SAMTOR: variants seen among roughly 807,000 people sequenced by gnomAD.
The protein encoded by SAMTOR is S-adenosylmethionine sensor upstream of mTORC1.
At chr7:112,922,269 C>T in the SAMTOR span, among the ~76,000 whole-genome samples, 1 of 152,172 alleles carries the variant, frequency 6.6e-6, no homozygotes, top group Non-Finnish European at 1.5e-5. Flanking sequence ...TCAATGGTGC[C>T]CAGGCTGGAG....
the SAMTOR span, among the ~76,000 whole-genome samples, chr7:112,919,717 A>G: frequency 6.6e-6 from 1 of 151,480 alleles, no homozygotes; most frequent in East Asian, 1.9e-4. Context: ...CTAATAAAGA[A>G]GAAAAGAGAG....
chr7:112,882,630 A>C, the SAMTOR span, among the ~76,000 whole-genome samples: 1 of 152,110 alleles, frequency 6.6e-6, no homozygotes, highest in Admixed American at 6.5e-5. Flanking sequence ...CGGAGGTTGC[A>C]GTGAGCTGAG....
the SAMTOR span, among the ~76,000 whole-genome samples, chr7:112,887,689 G>A: frequency 6.6e-6 from 1 of 152,146 alleles, no homozygotes; most frequent in Non-Finnish European, 1.5e-5. Context: ...ATCTTTCAAG[G>A]AACCAGTCTA....
At chr7:112,875,873 CTCTT>C in the SAMTOR span, among the ~76,000 whole-genome samples, 67 of 152,304 alleles carry the variant, frequency 4.4e-4, 4 homozygotes, top group East Asian at 0.011. Context: ...TGAAGTTTCT[CTCTT>C]TCTATTTTAT....
the SAMTOR span, among the ~76,000 whole-genome samples, chr7:112,884,468 C>CA: frequency 1.3e-5 from 2 of 152,180 alleles, no homozygotes; most frequent in African/African-American, 4.8e-5. Context: ...GGGGTACAGG[C>CA]ACTGGGTAAA....
chr7:112,917,633 G>C, the SAMTOR span, among the ~76,000 whole-genome samples: 1 of 152,212 alleles, frequency 6.6e-6, no homozygotes, highest in African/African-American at 2.4e-5. Context: ...GAAGGCTTCA[G>C]ACGATCAAAC....
chr7:112,851,985 A>G, the SAMTOR span, among the ~76,000 whole-genome samples: 2 of 152,154 alleles, frequency 1.3e-5, no homozygotes, highest in African/African-American at 4.8e-5. Flanking sequence ...AAGTCAAATA[A>G]CAACAGATGT....
At chr7:112,915,815 T>G in the SAMTOR span, among the ~76,000 whole-genome samples, 9 of 152,204 alleles carry the variant, frequency 5.9e-5, no homozygotes, top group Non-Finnish European at 1.3e-4. Context: ...AAGAAACAAT[T>G]ACAGCTGAGT....
chr7:112,846,176 A>G, the SAMTOR span, among the ~76,000 whole-genome samples: 3 of 139,540 alleles, frequency 2.1e-5, no homozygotes, highest in Admixed American at 2.2e-4. Context: ...GAGAGAAACA[A>G]TTCTTTTACA....
At chr7:112,837,383 A>C in the SAMTOR span, among the ~76,000 whole-genome samples, 1 of 152,070 alleles carries the variant, frequency 6.6e-6, no homozygotes. Context: ...ATCTGCAAAC[A>C]GAGATAGTTG....
chr7:112,835,633 C>G, the SAMTOR span, among the ~76,000 whole-genome samples: 2 of 152,040 alleles, frequency 1.3e-5, no homozygotes, highest in Non-Finnish European at 2.9e-5. Context: ...TCTCTCCCTT[C>G]TCTGTCTCCA....
chr7:112,895,581 T>G, the SAMTOR span: 1 of 1,551,296 alleles, frequency 6.4e-7, no homozygotes, highest in African/African-American at 1.4e-5. Flanking sequence ...AGTTATAAAT[T>G]CAGGGTTTGT....
chr7:112,915,896 C>G, the SAMTOR span, among the ~76,000 whole-genome samples: 1 of 152,130 alleles, frequency 6.6e-6, no homozygotes, highest in Non-Finnish European at 1.5e-5. Flanking sequence ...AACACTAAAC[C>G]TGCTTCTTGA....
the SAMTOR span, among the ~76,000 whole-genome samples, chr7:112,859,473 G>C: frequency 3.9e-5 from 6 of 152,130 alleles, no homozygotes; most frequent in Admixed American, 3.9e-4. Flanking sequence ...AATAATTATT[G>C]GTTATGTATT....
At chr7:112,914,189 G>A in the SAMTOR span, among the ~76,000 whole-genome samples, 1 of 151,076 alleles carries the variant, frequency 6.6e-6, no homozygotes, top group East Asian at 1.9e-4. Flanking sequence ...GAAAGAAAAT[G>A]TAAACCAGAA....
chr7:112,856,395 G>A, the SAMTOR span, among the ~76,000 whole-genome samples: 6 of 152,026 alleles, frequency 3.9e-5, no homozygotes, highest in Non-Finnish European at 1.5e-5. Context: ...GACTACTGGC[G>A]TGAGCCACCA....
chr7:112,854,298 T>A, the SAMTOR span, among the ~76,000 whole-genome samples: 2 of 152,120 alleles, frequency 1.3e-5, no homozygotes, highest in African/African-American at 2.4e-5. Flanking sequence ...TTGGTTTTGA[T>A]TGCAATGTGT....
the SAMTOR span, among the ~76,000 whole-genome samples, chr7:112,883,718 A>G: frequency 6.6e-6 from 1 of 152,248 alleles, no homozygotes; most frequent in Non-Finnish European, 1.5e-5. Flanking sequence ...TTTGGAAAGT[A>G]TGATGATGAC....
chr7:112,847,920 C>T, the SAMTOR span, among the ~76,000 whole-genome samples: 1 of 152,208 alleles, frequency 6.6e-6, no homozygotes, highest in Non-Finnish European at 1.5e-5. Flanking sequence ...AGGAGGACTG[C>T]TTGAGACCAG....
Sources: gnomAD v4.1 joint callset for allele counts (sites outside exome capture counted in the v4.1 genomes callset) on GRCh38, gnomAD v4.1.1 for gene constraint, MANE v1.5 for transcripts, NCBI Gene and HGNC (gene_info 2026-07-23, HGNC 2026-07-21) for gene names.